The following ATAD2B variants were observed in gnomAD, a reference collection of about 807,000 sequenced individuals.
ATAD2B encodes ATPase family AAA domain containing 2B, also known as ATPase family AAA domain-containing protein 2B.
ATAD2B carries 40 observed loss-of-function variants against 167.6 expected under a neutral mutation model. That is an observed-to-expected ratio of 0.24 (90% CI 0.19 to 0.31). ATAD2B has a LOEUF of 0.31. ATAD2B is among the 10% of genes least tolerant of loss of function. The pLI is 1.00. For missense variants in ATAD2B, 1,242 were observed against 1,757.2 expected (o/e 0.71, Z 5.24); for synonymous variants, 579 against 596.5 (o/e 0.97, Z 0.43).
intron 16 of ATAD2B, among the ~76,000 whole-genome samples, chr2:23,821,945 C>T (rs1363197787): frequency 2.0e-5 from 3 of 152,094 alleles, no homozygotes; most frequent in South Asian, 2.1e-4. Context: ...CGTGAGCAAC[C>T]GCACCCAGCC....
intron 22 of ATAD2B, 51 bp from the exon 23 acceptor site, chr2:23,765,679 T>A: frequency 8.7e-7 from 1 of 1,146,902 alleles, no homozygotes; most frequent in Non-Finnish European, 1.2e-6. Flanking sequence ...AAAATAACAT[T>A]AACAAAGGAC....
intron 23 of ATAD2B, among the ~76,000 whole-genome samples, chr2:23,765,013 TTC>T (rs1572660361): frequency 6.6e-6 from 1 of 152,224 alleles, no homozygotes; most frequent in Non-Finnish European, 1.5e-5. Context: ...GGTTTTACAT[TTC>T]TCTCTCTCCT....
chr2:23,879,852 C>T (rs1268381018), intron 7 of ATAD2B, among the ~76,000 whole-genome samples: 1 of 151,774 alleles, frequency 6.6e-6, no homozygotes, highest in Non-Finnish European at 1.5e-5. Context: ...GTCAGGAGTT[C>T]GAGACCAGCC....
intron 13 of ATAD2B, among the ~76,000 whole-genome samples, chr2:23,841,096 C>T (rs867316901): frequency 1.3e-4 from 18 of 139,694 alleles, no homozygotes; most frequent in Non-Finnish European, 2.5e-4. Context: ...TCATGCATGG[C>T]TATTTTTTTT....
chr2:23,770,924 A>G (rs1475147022), intron 22 of ATAD2B, among the ~76,000 whole-genome samples: 1 of 152,182 alleles, frequency 6.6e-6, no homozygotes, highest in Non-Finnish European at 1.5e-5. Flanking sequence ...CAATCTGGAG[A>G]GAAATTACAT....
the ATAD2B span, among the ~76,000 whole-genome samples, chr2:23,681,971 G>A: frequency 6.6e-6 from 1 of 152,040 alleles, no homozygotes; most frequent in African/African-American, 2.4e-5. The surrounding 1 kb of genome is among the most constrained non-coding windows in gnomAD (Gnocchi z 4.2). Context: ...CTTGTCTCTA[G>A]CCCAGGCCTC....
chr2:23,891,708 C>G (rs1483439188), intron 2 of ATAD2B, among the ~76,000 whole-genome samples: 5 of 151,858 alleles, frequency 3.3e-5, no homozygotes. Context: ...AGGCTGGTCT[C>G]CAACTCCTGA....
intron 10 of ATAD2B, among the ~76,000 whole-genome samples, chr2:23,866,996 C>T (rs994002017): frequency 2.0e-5 from 3 of 152,074 alleles, no homozygotes; most frequent in Admixed American, 6.6e-5. Flanking sequence ...CAGGTGTGAT[C>T]GATCATCTAT....
chr2:23,849,009 ACT>A (rs1207061689), intron 13 of ATAD2B, among the ~76,000 whole-genome samples: 1 of 148,798 alleles, frequency 6.7e-6, no homozygotes, highest in Non-Finnish European at 1.5e-5. Flanking sequence ...CAAAATTGAG[ACT>A]CTAAAAAAAA....
At chr2:23,918,117 A>C (rs1257046221) in intron 1 of ATAD2B, among the ~76,000 whole-genome samples, 1 of 150,254 alleles carries the variant, frequency 6.7e-6, no homozygotes, top group Non-Finnish European at 1.5e-5. Context: ...CTGTAATCCC[A>C]CACTTTAGGA....
downstream of ATAD2B, among the ~76,000 whole-genome samples, chr2:23,744,097 C>G (rs1674665566): frequency 6.6e-6 from 1 of 152,062 alleles, no homozygotes; most frequent in African/African-American, 2.4e-5. Flanking sequence ...TTATAAACAA[C>G]TGGGAGGACG....
chr2:23,742,559 TGGGGGGA>T, the ATAD2B span, among the ~76,000 whole-genome samples: 1 of 59,904 alleles, frequency 1.7e-5, no homozygotes, highest in East Asian at 5.7e-4. Context: ...AGTTGTGGGG[TGGGGGGA>T]GGGGGGAGGG....
rs150556740 is a variant in ATAD2B, at chr2:23,819,857, A to G, written c.2157T>C (p.Asp719=). 2 of 1,582,664 alleles carry G rather than the reference A, an allele frequency of 1.3e-6. No individual in the cohort carries two copies. Among genetic ancestry groups the G allele is most frequent in the East Asian group, 2.2e-5 (1 of 44,552 alleles). The change falls in exon 17 of 28, where the codon GAT becomes GAC. Residue 719 remains aspartate, a synonymous_variant. Coordinates refer to ENST00000238789, the MANE Select transcript of ATAD2B (RefSeq NM_017552.4). The part of the protein sequence containing the change: ...KEDIETLILE[D]SEDENALSIF... The stretch of plus-strand genomic sequence containing the variant: ...TTGATAAAGCATTTTCATCTTCACT[A>G]TCCTCTAAAATTAAAGTTTCTATAT...
the ATAD2B span, chr2:23,693,577 C>A: frequency 6.6e-7 from 1 of 1,524,388 alleles, no homozygotes; most frequent in South Asian, 1.2e-5. Flanking sequence ...TTGGGGTCCC[C>A]CTGCGGCAAT....
the ATAD2B span, among the ~76,000 whole-genome samples, chr2:23,683,731 TGA>T: frequency 6.6e-6 from 1 of 152,224 alleles, no homozygotes; most frequent in Non-Finnish European, 1.5e-5. Flanking sequence ...GTGGGTGTCC[TGA>T]GAGACTCAAC....
chr2:23,783,357 T>A (rs181835717), intron 21 of ATAD2B, among the ~76,000 whole-genome samples: 7 of 151,216 alleles, frequency 4.6e-5, no homozygotes, highest in Non-Finnish European at 8.9e-5. Flanking sequence ...CCAATGAGCA[T>A]CAATAAATAT....
At chr2:23,732,446 T>C in the ATAD2B span, among the ~76,000 whole-genome samples, 3 of 152,204 alleles carry the variant, frequency 2.0e-5, no homozygotes, top group Non-Finnish European at 2.9e-5. Context: ...AAGATTTCAA[T>C]TGGAGTAGAG....
intron 13 of ATAD2B, among the ~76,000 whole-genome samples, chr2:23,848,957 T>C (rs1470710269): frequency 6.6e-6 from 1 of 152,144 alleles, no homozygotes; most frequent in African/African-American, 2.4e-5. Flanking sequence ...ACATATAGTA[T>C]ATATATTATA....
chr2:23,838,588 T>C (rs111515291), intron 13 of ATAD2B, among the ~76,000 whole-genome samples: 3 of 152,222 alleles, frequency 2.0e-5, no homozygotes, highest in African/African-American at 7.2e-5. Flanking sequence ...GTCTCCTACA[T>C]TACCTTCTAA....
Sources: allele counts gnomAD v4.1 joint callset (sites outside exome capture counted in the v4.1 genomes callset), GRCh38; gene constraint gnomAD v4.1.1; non-coding constraint Gnocchi (gnomAD v3.1); transcripts MANE v1.5; gene names NCBI Gene and HGNC (gene_info 2026-07-23, HGNC 2026-07-21).